Variants in UPP2 observed in about 807,000 individuals in gnomAD.
UPP2 encodes UPase 2.
In UPP2, 23 loss-of-function variants were observed where a neutral mutation model predicts 26.7. That is an observed-to-expected ratio of 0.86 (90% CI 0.62 to 1.22). The LOEUF is 1.22. UPP2 is among the 50% of genes most tolerant of loss of function. The pLI is 0.00. For synonymous variants in UPP2, 127 were observed against 141.3 expected (o/e 0.90, Z 0.72); for missense variants, 387 against 396.7 (o/e 0.98, Z 0.21).
intron 3 of UPP2, among the ~76,000 whole-genome samples, chr2:158,050,969 C>T (rs1682144988): frequency 6.6e-6 from 1 of 152,042 alleles, no homozygotes; most frequent in South Asian, 2.1e-4. Flanking sequence ...CATGGATACA[C>T]CATTCTCCAT....
chr2:158,113,004 C>T (rs1429058381), intron 2 of UPP2, among the ~76,000 whole-genome samples: 17 of 152,086 alleles, frequency 1.1e-4, no homozygotes, highest in Admixed American at 1.1e-3. Flanking sequence ...GGTTGGTGGT[C>T]TTCAGCCATA....
chr2:158,017,203 A>G (rs372247063), intron 3 of UPP2, among the ~76,000 whole-genome samples: 6 of 152,218 alleles, frequency 3.9e-5, no homozygotes, highest in African/African-American at 1.4e-4. Flanking sequence ...CAGAGCTTAA[A>G]TCTTCATCTT....
chr2:158,063,133 C>A (rs1387536946), intron 3 of UPP2, among the ~76,000 whole-genome samples: 1 of 152,028 alleles, frequency 6.6e-6, no homozygotes, highest in African/African-American at 2.4e-5. Flanking sequence ...TTTTTCTGAA[C>A]AATTACCTTT....
chr2:158,112,985 G>T (rs1286093213), intron 2 of UPP2, among the ~76,000 whole-genome samples: 1 of 152,146 alleles, frequency 6.6e-6, no homozygotes, highest in Non-Finnish European at 1.5e-5. Context: ...GTCACTTAAG[G>T]TCAATGTTGG....
intron 3 of UPP2, among the ~76,000 whole-genome samples, chr2:158,038,228 G>A (rs1684032481): frequency 6.6e-6 from 1 of 152,130 alleles, no homozygotes; most frequent in African/African-American, 2.4e-5. Flanking sequence ...TCTCTTTCCT[G>A]GGCTTTCAGT....
chr2:158,062,719 G>A (rs1682371776), intron 3 of UPP2, among the ~76,000 whole-genome samples: 1 of 152,144 alleles, frequency 6.6e-6, no homozygotes, highest in Non-Finnish European at 1.5e-5. Context: ...ATAGGATGCT[G>A]TATCTTCTTC....
chr2:158,101,078 T>C (rs965932147), upstream of UPP2, among the ~76,000 whole-genome samples: 26 of 152,218 alleles, frequency 1.7e-4, no homozygotes, highest in African/African-American at 6.0e-4. Context: ...TTGGCATTTA[T>C]AGACATTTTA....
chr2:158,098,289 C>T, upstream of UPP2, among the ~76,000 whole-genome samples: 1 of 152,102 alleles, frequency 6.6e-6, no homozygotes, highest in African/African-American at 2.4e-5. Flanking sequence ...GGGTGCTATC[C>T]CTATCCAACT....
At chr2:158,015,707 G>T (rs1025326692) in intron 2 of UPP2, 9 of 434,068 alleles carry the variant, frequency 2.1e-5, no homozygotes, top group Admixed American at 1.9e-4. Context: ...TGCTGTTCTT[G>T]TGATAGTGAG....
chr2:158,131,619 GGTCT>G (rs1030312389), intron 6 of UPP2, among the ~76,000 whole-genome samples: 2 of 152,144 alleles, frequency 1.3e-5, no homozygotes, highest in African/African-American at 4.8e-5. Flanking sequence ...TCCATGTTCA[GGTCT>G]GTGTGTTCCC....
chr2:158,006,004 C>A (rs1219775868), intron 2 of UPP2, among the ~76,000 whole-genome samples: 1 of 152,194 alleles, frequency 6.6e-6, no homozygotes, highest in Non-Finnish European at 1.5e-5. Flanking sequence ...CATTACACTG[C>A]GCAGCTACAG....
rs187598413 is a variant in UPP2 at position 158,119,893 on chromosome 2, C to T, written c.455-1516C>T. ...AGGTGTGGGTGTATGTGCCTGTAGT[C>T]CTAGCTATTCTGGAGGCTGAGGCAG... is the stretch of plus-strand genomic sequence containing the variant. On this transcript the variant is annotated intron_variant, in intron 4 of 6. Transcript: ENST00000005756. Among the ~76,000 whole-genome samples, 35 of 151,686 alleles carry T rather than the reference C, an allele frequency of 2.3e-4. No individual in the cohort carries two copies. The East Asian group carries it at 6.6e-3, about 29-fold the overall frequency.
chr2:158,123,563 G>T (rs1683622170), intron 5 of UPP2, among the ~76,000 whole-genome samples, 186 bp from the exon 6 acceptor site: 1 of 152,220 alleles, frequency 6.6e-6, no homozygotes, highest in South Asian at 2.1e-4. Context: ...AGACTCCTCA[G>T]CTAGGGACAG....
chr2:158,082,597 A>T lies in UPP2; in HGVS notation c.148-19443A>T, dbSNP rs556748064. Among the ~76,000 whole-genome samples the T allele has an allele frequency of 2.0e-5, 3 of 152,348 alleles. No homozygotes were observed. In the South Asian group the frequency reaches 6.2e-4, roughly 32 times the overall value. On this transcript the variant is annotated intron_variant, in intron 3 of 9. Coordinates refer to the UPP2 transcript ENST00000605860. ...AGACTTAAACGTAAGACCTAAAACCATAAAAACCCTAGAAGAAAACCTAAG... is the reference window on the plus strand; with the variant it reads ...AGACTTAAACGTAAGACCTAAAACCTTAAAAACCCTAGAAGAAAACCTAAG...
At chr2:158,033,319 G>A (rs1028538793) in intron 3 of UPP2, among the ~76,000 whole-genome samples, 5 of 152,084 alleles carry the variant, frequency 3.3e-5, no homozygotes, top group East Asian at 1.9e-4. Flanking sequence ...GAGCCCTGGC[G>A]GCAAAAAGGC....
At chr2:158,008,516 G>T (rs552057071) in intron 2 of UPP2, among the ~76,000 whole-genome samples, 4 of 152,238 alleles carry the variant, frequency 2.6e-5, no homozygotes, top group Admixed American at 2.6e-4. Flanking sequence ...GTTGTTTGAG[G>T]CTTTACTCAA....
intron 2 of UPP2, among the ~76,000 whole-genome samples, chr2:158,012,402 C>T (rs1313012445): frequency 1.3e-5 from 2 of 150,092 alleles, no homozygotes; most frequent in Non-Finnish European, 3.0e-5. Context: ...CGAGTAGCTG[C>T]GATTACAGGC....
At chr2:158,039,377 A>G (rs991063011) in intron 3 of UPP2, among the ~76,000 whole-genome samples, 1 of 152,226 alleles carries the variant, frequency 6.6e-6, no homozygotes, top group Non-Finnish European at 1.5e-5. Context: ...TGAAGCAGTG[A>G]AATCAGTTGT....
At chr2:158,092,291 C>T (rs1204784967) in intron 3 of UPP2, among the ~76,000 whole-genome samples, 2 of 152,122 alleles carry the variant, frequency 1.3e-5, no homozygotes, top group Non-Finnish European at 2.9e-5. Context: ...AAAAAAGTCA[C>T]ACCTAAACAC....
Sources: allele counts gnomAD v4.1 joint callset (sites outside exome capture counted in the v4.1 genomes callset), GRCh38; gene constraint gnomAD v4.1.1; transcripts MANE v1.5; gene names NCBI Gene and HGNC (gene_info 2026-07-23, HGNC 2026-07-21).